Variants in RBFOX2 observed in about 807,000 individuals in gnomAD.
RBFOX2 encodes the protein RNA binding protein fox-1 homolog 2.
In RBFOX2, 10 loss-of-function variants were observed where a neutral mutation model predicts 49.1. The ratio of observed to expected loss-of-function variants is 0.20; its 90% confidence interval spans 0.13 to 0.35. The LOEUF (loss-of-function observed/expected upper bound fraction) is 0.35. Among genes scored for constraint, RBFOX2 ranks in the 10% least tolerant of loss-of-function variants. The pLI, the probability that RBFOX2 is intolerant of heterozygous loss-of-function variation, is 1.00. For synonymous variants in RBFOX2, 183 were observed against 187.4 expected (o/e 0.98, Z 0.19); for missense variants, 323 against 486.9 (o/e 0.66, Z 3.17).
At chr22:35,808,884 T>C (rs1374758528) in intron 2 of RBFOX2, among the ~76,000 whole-genome samples, 1 of 152,084 alleles carries the variant, frequency 6.6e-6, no homozygotes, top group Non-Finnish European at 1.5e-5. Flanking sequence ...ATGAGATATA[T>C]ACCTATTATT....
intron 4 of RBFOX2, among the ~76,000 whole-genome samples, chr22:35,776,970 T>C (rs550964678): frequency 6.6e-6 from 1 of 152,144 alleles, no homozygotes; most frequent in Non-Finnish European, 1.5e-5. Flanking sequence ...ATGGAAATTC[T>C]AAATCATACA....
At position 36,010,335 on chromosome 22, in the gene RBFOX2, T is replaced by A. The variant is rs11914111; in HGVS notation, c.186+17905A>T. Among the ~76,000 whole-genome samples the A allele has an allele frequency of 9.3e-3, 1,413 of 152,192 alleles. 28 individuals are homozygous for A. Among genetic ancestry groups the A allele is most frequent in the African/African-American group, 0.029 (1,187 of 41,534 alleles). ...AAGCAACAGGGGAAACAACACAGCA[T>A]CTGGTGCCCTGCCGGCTTCCATTCA... On this transcript the variant is annotated intron_variant, in intron 1 of 13. Coordinates refer to the RBFOX2 transcript ENST00000438146.
chr22:35,976,014 G>A (rs537084780), intron 1 of RBFOX2, among the ~76,000 whole-genome samples: 1 of 152,140 alleles, frequency 6.6e-6, no homozygotes, highest in East Asian at 1.9e-4. Flanking sequence ...TTCCTACATG[G>A]GCTGAGCCCC....
chr22:36,001,946 C>A (rs910135593), intron 1 of RBFOX2, among the ~76,000 whole-genome samples: 5 of 152,122 alleles, frequency 3.3e-5, no homozygotes, highest in Admixed American at 1.3e-4. Flanking sequence ...CGCCTATAAT[C>A]CCAGCTACTT....
intron 1 of RBFOX2, among the ~76,000 whole-genome samples, chr22:35,812,702 T>C (rs1044956815): frequency 2.0e-5 from 3 of 152,174 alleles, no homozygotes; most frequent in Non-Finnish European, 2.9e-5. Context: ...TACTAAATAA[T>C]TGGTAAAAGC....
chr22:35,850,737 A>G (rs1414370375), intron 1 of RBFOX2, among the ~76,000 whole-genome samples: 1 of 152,200 alleles, frequency 6.6e-6, no homozygotes, highest in Non-Finnish European at 1.5e-5. Context: ...ACAAAGCACA[A>G]TAGGTTCAAG....
intron 3 of RBFOX2, among the ~76,000 whole-genome samples, chr22:35,779,542 C>G (rs114443094): frequency 0.011 from 1,617 of 152,266 alleles, 21 homozygotes; most frequent in African/African-American, 0.038. Flanking sequence ...GATGGGAGGG[C>G]ATTTATGCTT....
At chr22:35,928,757 G>GA (rs1262425908) in intron 1 of RBFOX2, among the ~76,000 whole-genome samples, 1 of 151,992 alleles carries the variant, frequency 6.6e-6, no homozygotes, top group Non-Finnish European at 1.5e-5. Flanking sequence ...TCAATAAGAA[G>GA]AAAAACCAAA....
intron 1 of RBFOX2, among the ~76,000 whole-genome samples, chr22:35,959,613 T>A (rs1019847992): frequency 1.3e-5 from 2 of 152,228 alleles, no homozygotes; most frequent in African/African-American, 4.8e-5. Context: ...CGTCTGAGAT[T>A]TCTGCATCTA....
chr22:35,933,993 ATAAC>A (rs2052752871), intron 1 of RBFOX2, among the ~76,000 whole-genome samples: 2 of 148,582 alleles, frequency 1.3e-5, no homozygotes, highest in Non-Finnish European at 3.0e-5. Context: ...TTCCTTGAAA[ATAAC>A]TAATGTGAAT....
At chr22:35,782,900 A>G (rs952395032) in intron 2 of RBFOX2, among the ~76,000 whole-genome samples, 2 of 152,282 alleles carry the variant, frequency 1.3e-5, no homozygotes, top group Middle Eastern at 3.4e-3. Flanking sequence ...ACTCATTTTA[A>G]TGGGTTGTGC....
At chr22:35,883,413 T>C (rs1433946515) in intron 1 of RBFOX2, among the ~76,000 whole-genome samples, 2 of 152,214 alleles carry the variant, frequency 1.3e-5, no homozygotes, top group African/African-American at 4.8e-5. Context: ...AGGCCTTGAG[T>C]GTGACTGAAG....
upstream of RBFOX2, among the ~76,000 whole-genome samples, chr22:35,844,662 T>A (rs2040945279): frequency 6.8e-6 from 1 of 146,812 alleles, no homozygotes; most frequent in Non-Finnish European, 1.5e-5. Context: ...GCCCGGCAGT[T>A]TTTTTTTTTT....
intron 1 of RBFOX2, among the ~76,000 whole-genome samples, chr22:35,936,204 C>A (rs1188120763): frequency 2.7e-5 from 4 of 149,034 alleles, no homozygotes. Context: ...AGAGCAAGAC[C>A]CTGTCTCAAA....
At chr22:35,858,212 C>T (rs1329547200) in intron 1 of RBFOX2, among the ~76,000 whole-genome samples, 1 of 152,110 alleles carries the variant, frequency 6.6e-6, no homozygotes, top group Non-Finnish European at 1.5e-5. Flanking sequence ...CAATAAAGTA[C>T]AAAACCAATT....
At chr22:35,862,702 G>C (rs954406092) in intron 1 of RBFOX2, among the ~76,000 whole-genome samples, 1 of 152,162 alleles carries the variant, frequency 6.6e-6, no homozygotes, top group Non-Finnish European at 1.5e-5. Flanking sequence ...CCTCTGTTAA[G>C]CCAGGCTACT....
At chr22:36,006,992 G>A (rs2058642919) in intron 1 of RBFOX2, among the ~76,000 whole-genome samples, 1 of 152,078 alleles carries the variant, frequency 6.6e-6, no homozygotes, top group African/African-American at 2.4e-5. Context: ...AAAAATCCAA[G>A]TAACCCATGG....
exon 12 of RBFOX2, chr22:35,739,619 G>C (rs2145596909): frequency 6.5e-6 from 1 of 152,750 alleles, no homozygotes; most frequent in Non-Finnish European, 1.5e-5. Context: ...ACGGGGTATG[G>C]ACATTGCTTA....
intron 1 of RBFOX2, among the ~76,000 whole-genome samples, chr22:36,002,362 A>G (rs1043800565): frequency 5.9e-5 from 9 of 152,244 alleles, no homozygotes; most frequent in Non-Finnish European, 1.3e-4. Context: ...GCAATAGGAC[A>G]TGTTTAAACA....
Sources: gnomAD v4.1 joint callset for allele counts (sites outside exome capture counted in the v4.1 genomes callset) on GRCh38, gnomAD v4.1.1 for gene constraint, MANE v1.5 for transcripts, NCBI Gene and HGNC (gene_info 2026-07-23, HGNC 2026-07-21) for gene names.